The following DMD variants were observed in gnomAD, a reference collection of about 807,000 sequenced individuals.
The protein encoded by DMD is dystrophin, also known as mutant dystrophin.
Under a neutral mutation model 330.1 loss-of-function variants are expected in DMD, and 63 were observed. The observed-to-expected ratio is 0.19, with a 90% confidence interval of 0.16 to 0.24. The LOEUF is 0.24. Among genes scored for constraint, DMD ranks in the 10% least tolerant of loss-of-function variants. The pLI is 1.00. For synonymous variants in DMD, 1,223 were observed against 959.8 expected (o/e 1.27, Z -5.07); for missense variants, 3,344 against 2,684.1 (o/e 1.25, Z -5.43).
chrX:32,173,066 GGTGTGT>G lies in DMD; in HGVS notation c.6438+43844_6438+43849del, dbSNP rs3040089. Among the ~76,000 whole-genome samples the G allele has an allele frequency of 2.0e-3, 179 of 89,603 alleles. 2 individuals carry two copies. Among genetic ancestry groups the G allele is most frequent in the South Asian group, 6.3e-3 (11 of 1,752 alleles). 77.8% of individuals were successfully genotyped at this position (89,603 alleles called of 115,157 possible). ...TTTTCAGCTTGTGATACCTGATTTT[GGTGTGT>G]GTGTGTGTGTGTGTGTGTGTGTGTG... On this transcript the variant is annotated intron_variant, in intron 44 of 78. Transcript: ENST00000357033.
At chrX:33,201,173 T>C (rs1319579009) in intron 1 of DMD, among the ~76,000 whole-genome samples, 1 of 110,716 alleles carries the variant, frequency 9.0e-6, no homozygotes, top group Non-Finnish European at 1.9e-5. Context: ...TCAGGTGATC[T>C]GCCCGCCTTG....
chrX:32,943,795 G>A (rs773676316), intron 2 of DMD, among the ~76,000 whole-genome samples: 2 of 111,978 alleles, frequency 1.8e-5, no homozygotes, highest in Non-Finnish European at 3.8e-5. Flanking sequence ...AGTATACAAG[G>A]AAAAGTTATT....
At chrX:32,437,831 G>A (rs1207266270) in intron 29 of DMD, among the ~76,000 whole-genome samples, 2 of 112,329 alleles carry the variant, frequency 1.8e-5, no homozygotes, top group African/African-American at 6.5e-5. Flanking sequence ...TGTTATTTAT[G>A]AAGAATAAAT....
At position 32,468,752 on chromosome X, in the gene DMD, A is replaced by G. The variant is rs376220300; in HGVS notation, c.2950-42T>C. On this transcript the variant is annotated intron_variant, in intron 22 of 78. Transcript: ENST00000357033. ...TAAATACATTTACCCTAATTGATGA[A>G]TAATAATTGATGAGTTTTAGTGAAA... The G allele has an allele frequency of 2.9e-6, 3 of 1,044,175 alleles. No individual in the cohort carries two copies. In the Admixed American group the frequency reaches 6.9e-5, roughly 24 times the overall value. 86.1% of individuals were successfully genotyped at this position (1,044,175 alleles called of 1,213,427 possible). A position where few individuals can be genotyped will look rare whatever the true frequency, so the allele number is the denominator to read the frequency against.
chrX:32,607,193 A>C (rs772573149), intron 12 of DMD, among the ~76,000 whole-genome samples: 1 of 110,533 alleles, frequency 9.0e-6, no homozygotes, highest in African/African-American at 3.3e-5. Context: ...ACAATACATT[A>C]ACTTCAGCTT....
intron 16 of DMD, among the ~76,000 whole-genome samples, chrX:32,552,835 T>C (rs1013626166): frequency 9.0e-6 from 1 of 111,679 alleles, no homozygotes; most frequent in Non-Finnish European, 1.9e-5. Context: ...CAATAATCAT[T>C]AGAGAAGTGC....
At chrX:32,842,181 G>A (rs2080217770) in intron 4 of DMD, among the ~76,000 whole-genome samples, 1 of 112,047 alleles carries the variant, frequency 8.9e-6, no homozygotes, top group Admixed American at 9.5e-5. Context: ...CTGTTTCACT[G>A]AGTCAGTGCT....
At chrX:31,356,571 A>C (rs868399987) in intron 60 of DMD, among the ~76,000 whole-genome samples, 2 of 97,860 alleles carry the variant, frequency 2.0e-5, no homozygotes, top group Admixed American at 1.1e-4. Context: ...ATTCTGATGA[A>C]CTCTGCCATC....
At chrX:32,384,954 T>C (rs964935531) in intron 33 of DMD, among the ~76,000 whole-genome samples, 1 of 111,408 alleles carries the variant, frequency 9.0e-6, no homozygotes, top group African/African-American at 3.2e-5. Flanking sequence ...TTGGAATAAA[T>C]AATATTGTTA....
rs975684316 is a variant in DMD at position 32,674,575 on chromosome X, G to A, written c.960+23295C>T. Reference sequence around the variant, plus strand: ...AGTTCTAGATATGCGCTCGGTTTTTGTGCAAGCCAAGTGGGATACTGCTAT... The same window carrying A: ...AGTTCTAGATATGCGCTCGGTTTTTATGCAAGCCAAGTGGGATACTGCTAT... On this transcript the variant is annotated intron_variant, in intron 9 of 78. Transcript: ENST00000357033. Among the ~76,000 whole-genome samples the A allele has an allele frequency of 3.6e-5, 4 of 111,254 alleles. No individual in the cohort carries two copies. In the East Asian group the frequency reaches 1.1e-3, roughly 31 times the overall value.
At chrX:32,137,666 T>G (rs1156477007) in intron 44 of DMD, among the ~76,000 whole-genome samples, 2 of 110,884 alleles carry the variant, frequency 1.8e-5, no homozygotes, top group Non-Finnish European at 3.8e-5. Context: ...TGCAGGATTG[T>G]TACATGGGTA....
intron 62 of DMD, among the ~76,000 whole-genome samples, chrX:31,308,442 T>G (rs781126506): frequency 8.9e-6 from 1 of 112,013 alleles, no homozygotes; most frequent in South Asian, 3.8e-4. Context: ...AACTGAAATA[T>G]ACAAAATAAA....
chrX:32,381,664 G>T (rs183018312), intron 33 of DMD, among the ~76,000 whole-genome samples: 1 of 111,486 alleles, frequency 9.0e-6, no homozygotes, highest in African/African-American at 3.2e-5. Flanking sequence ...ATTGAATAAA[G>T]GAATGAATGA....
At chrX:32,128,072 C>T (rs187729674) in intron 44 of DMD, among the ~76,000 whole-genome samples, 1 of 112,225 alleles carries the variant, frequency 8.9e-6, no homozygotes, top group Non-Finnish European at 1.9e-5. Context: ...AGTATAGTAA[C>T]TAGTTAGCAA....
At chrX:32,685,772 G>C (rs371842185) in intron 9 of DMD, among the ~76,000 whole-genome samples, 2 of 111,477 alleles carry the variant, frequency 1.8e-5, no homozygotes, top group African/African-American at 6.5e-5. Context: ...GTTTCATAAC[G>C]ATACCATCAA....
chrX:32,456,024 ACT>A (rs1246309088), intron 25 of DMD, among the ~76,000 whole-genome samples: 3 of 110,886 alleles, frequency 2.7e-5, no homozygotes, highest in African/African-American at 9.8e-5. Flanking sequence ...TTAAAAAGTA[ACT>A]CTATTCAAAA....
At chrX:31,402,517 C>T (rs1457489016) in intron 60 of DMD, among the ~76,000 whole-genome samples, 2 of 111,562 alleles carry the variant, frequency 1.8e-5, no homozygotes, top group Admixed American at 9.5e-5. Context: ...AAGTACAAAA[C>T]GAGGGTGTTG....
chrX:31,499,486 G>GTTT (rs2070208408), intron 56 of DMD, among the ~76,000 whole-genome samples: 1 of 78,084 alleles, frequency 1.3e-5, no homozygotes, highest in Non-Finnish European at 2.4e-5. Context: ...AGGGAATTCA[G>GTTT]TTCTTTTTTT....
intron 43 of DMD, among the ~76,000 whole-genome samples, chrX:32,281,810 AT>A (rs1358723804): frequency 3.0e-4 from 33 of 111,341 alleles, no homozygotes; most frequent in African/African-American, 9.8e-4. Context: ...TCTTTCTCTA[AT>A]TTTTTTAGAG....
Sources: gnomAD v4.1 joint callset for allele counts (sites outside exome capture counted in the v4.1 genomes callset) on GRCh38, gnomAD v4.1.1 for gene constraint, MANE v1.5 for transcripts, NCBI Gene and HGNC (gene_info 2026-07-23, HGNC 2026-07-21) for gene names.